USP37: variants seen among roughly 807,000 people sequenced by gnomAD.
The protein encoded by USP37 is ubiquitin specific peptidase 37, also known as ubiquitin carboxyl-terminal hydrolase 37.
Under a neutral mutation model 124.0 loss-of-function variants are expected in USP37, and 27 were observed. The observed-to-expected ratio is 0.22, with a 90% CI of 0.16 to 0.30. The LOEUF is 0.30. Among genes scored for constraint, USP37 ranks in the 10% least tolerant of loss-of-function variants. USP37 has a pLI of 1.00. For missense variants in USP37, 889 were observed against 1,140.4 expected, an observed-to-expected ratio of 0.78 and a Z score of 3.17; for synonymous variants, 365 against 388.0, an observed-to-expected ratio of 0.94 and a Z score of 0.70.
At chr2:218,565,478 A>C (rs1297003094) in intron 1 of USP37, among the ~76,000 whole-genome samples, 2 of 152,210 alleles carry the variant, frequency 1.3e-5, no homozygotes, top group African/African-American at 2.4e-5. Context: ...AAGAGTTTAA[A>C]ATCTGAATGG....
chr2:218,474,015 A>G (rs1690834596), intron 20 of USP37, among the ~76,000 whole-genome samples: 1 of 152,226 alleles, frequency 6.6e-6, no homozygotes, highest in African/African-American at 2.4e-5. Context: ...TTGTGTATCT[A>G]AATACATCTA....
Position 218,510,069 on chromosome 2 carries a change from G to A in USP37, c.935C>T (p.Ser312Phe). The A allele has an allele frequency of 6.2e-7, 1 of 1,613,262 alleles. No individual in the cohort carries two copies. Among genetic ancestry groups the A allele is most frequent in the African/African-American group, 1.3e-5 (1 of 75,038 alleles). Residue 312 changes from serine to phenylalanine, a missense_variant, in exon 11 of 26, where the codon TCT becomes TTT. By Grantham distance (155) the Ser-to-Phe change is radical. Transcript: ENST00000258399. ...CTGGTTACACCTCAGTTTTTTAACA[G>A]AAAGAGGAACTGGCTGAGGAAGAAA... is the stretch of plus-strand genomic sequence containing the variant. ...LGFLPQPVPL[S>F]VKKLRCNQDY...
At chr2:218,496,220 G>A (rs945488178) in intron 13 of USP37, among the ~76,000 whole-genome samples, 4 of 151,896 alleles carry the variant, frequency 2.6e-5, no homozygotes, top group East Asian at 1.9e-4. Flanking sequence ...TTGAACCTGG[G>A]AGGCAGAGGT....
chr2:218,501,750 G>A (rs1290966993), intron 11 of USP37, among the ~76,000 whole-genome samples: 2 of 152,208 alleles, frequency 1.3e-5, no homozygotes, highest in East Asian at 3.8e-4. Flanking sequence ...CAGAGTACTT[G>A]AGAGGAAGGA....
intron 21 of USP37, among the ~76,000 whole-genome samples, 164 bp from the exon 22 acceptor site, chr2:218,463,530 C>CTTTTTTT (rs778154896): frequency 1.1e-4 from 11 of 99,092 alleles, no homozygotes; most frequent in East Asian, 5.9e-4. Context: ...AAGTTCTTTA[C>CTTTTTTT]TTTTTTTTTT....
chr2:218,473,794 T>C (rs1233809314), intron 20 of USP37, among the ~76,000 whole-genome samples: 2 of 152,240 alleles, frequency 1.3e-5, no homozygotes, highest in African/African-American at 2.4e-5. Context: ...TGTACAGTCA[T>C]GTGTTGCTTA....
At chr2:218,514,875 C>CA (rs1489182659) in intron 10 of USP37, among the ~76,000 whole-genome samples, 1 of 152,170 alleles carries the variant, frequency 6.6e-6, no homozygotes, top group East Asian at 1.9e-4. Flanking sequence ...AGTATGGACT[C>CA]AGACATATTT....
rs1409545661 is a variant in USP37 at position 218,451,107 on chromosome 2, A to AC, written c.*3822dup. 2 of 152,210 alleles carry AC rather than the reference A, an allele frequency of 1.3e-5. No homozygotes were observed. The highest frequency in any genetic ancestry group is 4.8e-5 in the African/African-American group (2 of 41,456). The allele number at this position is 152,210 out of a possible 1,614,324, so 9.4% of individuals were successfully genotyped here. A position where few individuals can be genotyped will look rare whatever the true frequency, so the allele number is the denominator to read the frequency against. Reference sequence around the variant, plus strand: ...ATGTTAATAAGACATATCAGTAGAGACAAAATTAGGATTTTGAAGTAATGC... The same window carrying AC: ...ATGTTAATAAGACATATCAGTAGAGACCAAAATTAGGATTTTGAAGTAATGC... On this transcript the variant is annotated 3_prime_UTR_variant, in exon 26 of 26. Coordinates refer to ENST00000258399, the MANE Select transcript of USP37 (RefSeq NM_020935.3).
At chr2:218,568,105 T>G (rs1693757477) in intron 1 of USP37, 73 bp downstream of exon 1, 1 of 152,076 alleles carries the variant, frequency 6.6e-6, no homozygotes, top group Non-Finnish European at 1.5e-5. Flanking sequence ...GAACGCCGAG[T>G]GGGCGGATCG....
chr2:218,540,765 T>C (rs1287991645), intron 8 of USP37, among the ~76,000 whole-genome samples: 1 of 152,228 alleles, frequency 6.6e-6, no homozygotes, highest in Non-Finnish European at 1.5e-5. Flanking sequence ...GGGACTACTA[T>C]ATACATTTGC....
chr2:218,530,127 ATTATAT>A (rs1691238238), intron 9 of USP37, 87 bp from the exon 10 acceptor site: 6 of 926,982 alleles, frequency 6.5e-6, no homozygotes. Flanking sequence ...ATTAGTCCTG[ATTATAT>A]TTAACTCTTT....
In USP37 at chr2:218,535,477, C is replaced by T. The variant is rs986318617; in HGVS notation, c.681-771G>A. 2.7e-5 allele frequency among the ~76,000 whole-genome samples: 4 copies of T among 150,934 alleles called. No homozygotes were observed. The South Asian group carries it at 6.3e-4, about 24-fold the overall frequency. ...CCTTAATCCTAGCAGCTTGGGAGGG[C>T]GAGGCGGGCGGATCACCTGAGGTTG... On this transcript the variant is annotated intron_variant, in intron 8 of 25. Coordinates refer to ENST00000258399, the MANE Select transcript of USP37 (RefSeq NM_020935.3).
chr2:218,561,218 T>G (rs1218705281), intron 2 of USP37, among the ~76,000 whole-genome samples: 1 of 152,232 alleles, frequency 6.6e-6, no homozygotes, highest in African/African-American at 2.4e-5. Context: ...GAGACTTTTT[T>G]CCACTCCGCC....
intron 16 of USP37, among the ~76,000 whole-genome samples, chr2:218,483,843 G>A (rs1414331043): frequency 6.6e-6 from 1 of 152,146 alleles, no homozygotes; most frequent in Non-Finnish European, 1.5e-5. Flanking sequence ...AAACAGGAAA[G>A]AACAAATTCT....
chr2:218,535,901 C>T (rs1005109397), intron 8 of USP37, among the ~76,000 whole-genome samples: 1 of 149,548 alleles, frequency 6.7e-6, no homozygotes, highest in African/African-American at 2.5e-5. Flanking sequence ...TCTGTGATCC[C>T]AGCTATTCAG....
At chr2:218,497,905 G>A (rs376946103) in intron 12 of USP37, 48 bp from the exon 13 acceptor site, 187 of 1,590,848 alleles carry the variant, frequency 1.2e-4, no homozygotes, top group Non-Finnish European at 1.5e-4. Context: ...ATGACATGGC[G>A]TGATATTTTA....
chr2:218,479,836 T>G (rs1422425919), intron 17 of USP37, 121 bp from the exon 18 acceptor site: 19 of 537,618 alleles, frequency 3.5e-5, no homozygotes, highest in Non-Finnish European at 5.2e-6. Flanking sequence ...AATTGAACAA[T>G]TATAATACTT....
intron 10 of USP37, among the ~76,000 whole-genome samples, chr2:218,519,692 T>G (rs1425991964): frequency 2.0e-5 from 3 of 151,742 alleles, no homozygotes; most frequent in Non-Finnish European, 2.9e-5. Context: ...TGGAGTGCAG[T>G]AGTGGCGGGA....
intron 4 of USP37, among the ~76,000 whole-genome samples, chr2:218,554,521 C>T (rs1451957685): frequency 6.6e-6 from 1 of 152,028 alleles, no homozygotes; most frequent in Non-Finnish European, 1.5e-5. Flanking sequence ...CTGAGGCAGG[C>T]AGATCACCTG....
Sources: gnomAD v4.1 joint callset for allele counts (sites outside exome capture counted in the v4.1 genomes callset) on GRCh38, gnomAD v4.1.1 for gene constraint, MANE v1.5 for transcripts, NCBI Gene and HGNC (gene_info 2026-07-23, HGNC 2026-07-21) for gene names.